Variants in PCDH7 observed in about 807,000 individuals in gnomAD.
The protein encoded by PCDH7 is protocadherin 7.
Under a neutral mutation model 58.9 loss-of-function variants are expected in PCDH7, and 17 were observed. The ratio of observed to expected loss-of-function variants is 0.29; its 90% CI spans 0.20 to 0.43. PCDH7 has a LOEUF of 0.43. PCDH7 is among the 20% of genes least tolerant of loss of function. PCDH7 has a pLI of 1.00. For synonymous variants in PCDH7, 664 were observed against 616.4 expected (o/e 1.08, Z -1.14); for missense variants, 1,274 against 1,441.0 (o/e 0.88, Z 1.88).
Position 30,828,669 on chromosome 4 carries a change from C to G in PCDH7, c.71-91484C>G, listed in dbSNP as rs367552789. On this transcript the variant is annotated intron_variant, in intron 1 of 3. Transcript: ENST00000509759. Reference sequence around the variant, plus strand: ...AGGCTGGTTACTATGGTTCCGAGAGCATGGTTCTCTGGTTACGTTGACTCT... The same window carrying G: ...AGGCTGGTTACTATGGTTCCGAGAGGATGGTTCTCTGGTTACGTTGACTCT... 4.9e-4 allele frequency among the ~76,000 whole-genome samples: 75 copies of G among 152,180 alleles called. 2 individuals are homozygous for G. The South Asian group carries it at 0.015, about 30-fold the overall frequency.
At chr4:30,814,828 G>C (rs866949722) in intron 1 of PCDH7, among the ~76,000 whole-genome samples, 1 of 152,094 alleles carries the variant, frequency 6.6e-6, no homozygotes, top group Non-Finnish European at 1.5e-5. Flanking sequence ...AAGAATGTAA[G>C]AGTGAATTAG....
chr4:31,124,648 C>A (rs758622615), intron 3 of PCDH7, among the ~76,000 whole-genome samples: 1 of 152,064 alleles, frequency 6.6e-6, no homozygotes, highest in African/African-American at 2.4e-5. Flanking sequence ...ACCGTACAAC[C>A]AAAATAAACT....
intron 1 of PCDH7, among the ~76,000 whole-genome samples, chr4:30,891,765 GTT>G (rs1228095740): frequency 3.9e-5 from 3 of 76,128 alleles, no homozygotes; most frequent in African/African-American, 3.2e-4. Context: ...TCTGAGGGTT[GTT>G]TTTTTGTTTT....
chr4:30,893,812 A>G (rs1278795524), intron 1 of PCDH7, among the ~76,000 whole-genome samples: 3 of 152,108 alleles, frequency 2.0e-5, no homozygotes, highest in Non-Finnish European at 4.4e-5. Flanking sequence ...CATGCCTTCC[A>G]TATGAAAAAT....
At position 31,038,494 on chromosome 4, in the gene PCDH7, T is replaced by TAAGAA. The variant is rs529520617; in HGVS notation, c.*7+88279_*7+88280insAAGAA. On this transcript the variant is annotated intron_variant, in intron 3 of 3. Coordinates refer to the PCDH7 transcript ENST00000509759. Reference sequence around the variant, plus strand: ...GGACTATTTGAGATGGAATAAGAAATTATAAAGCAGAAAATAAATAGAGTT... The same window carrying TAAGAA: ...GGACTATTTGAGATGGAATAAGAAATAAGAATATAAAGCAGAAAATAAATAGAGTT... Among the ~76,000 whole-genome samples, 179 of 152,250 alleles carry TAAGAA rather than the reference T, an allele frequency of 1.2e-3. 2 individuals are homozygous for TAAGAA. In the South Asian group the frequency reaches 0.018, roughly 16 times the overall value.
intron 1 of PCDH7, among the ~76,000 whole-genome samples, chr4:30,784,892 C>A (rs1723207964): frequency 6.6e-6 from 1 of 151,830 alleles, no homozygotes; most frequent in African/African-American, 2.4e-5. Context: ...AATAGAAAGT[C>A]AAAGATAACC....
chr4:31,085,616 T>C (rs1430193158), intron 3 of PCDH7, among the ~76,000 whole-genome samples: 3 of 152,148 alleles, frequency 2.0e-5, no homozygotes, highest in Admixed American at 2.0e-4. Context: ...CAGGCATAAT[T>C]TTCCAAAGGC....
At chr4:31,005,294 C>G (rs1387653324) in intron 3 of PCDH7, among the ~76,000 whole-genome samples, 1 of 152,066 alleles carries the variant, frequency 6.6e-6, no homozygotes, top group African/African-American at 2.4e-5. Context: ...TTGCTGTGAG[C>G]CTTTCCCCAG....
At chr4:31,134,718 G>A (rs993567678) in intron 3 of PCDH7, among the ~76,000 whole-genome samples, 4 of 152,060 alleles carry the variant, frequency 2.6e-5, no homozygotes, top group African/African-American at 9.7e-5. Flanking sequence ...GTTCTGCCTG[G>A]CTCACTCATA....
At chr4:31,052,292 C>G (rs535473699) in intron 3 of PCDH7, among the ~76,000 whole-genome samples, 2 of 152,180 alleles carry the variant, frequency 1.3e-5, no homozygotes, top group East Asian at 3.9e-4. Context: ...AGAATTCTGT[C>G]CAGTCTGAGT....
intron 3 of PCDH7, among the ~76,000 whole-genome samples, chr4:31,130,605 A>T (rs917704909): frequency 6.6e-6 from 1 of 152,216 alleles, no homozygotes; most frequent in Non-Finnish European, 1.5e-5. Context: ...TAAATCCTAT[A>T]GACCAGAAGT....
In PCDH7 at chr4:30,773,697, G is replaced by A. The variant is rs570936185; in HGVS notation, c.70+49101G>A. On this transcript the variant is annotated intron_variant, in intron 1 of 3. Coordinates refer to the PCDH7 transcript ENST00000509759. ...ATTTTCATTACCATATTCCCCAGAG[G>A]GTTGCTGTCTCTCCAGCCACTAAGT... 3.9e-5 allele frequency among the ~76,000 whole-genome samples: 6 copies of A among 152,164 alleles called. No individual in the cohort carries two copies. In the East Asian group the frequency reaches 1.2e-3, roughly 29 times the overall value.
At chr4:30,779,960 G>C (rs1297753415) in intron 1 of PCDH7, among the ~76,000 whole-genome samples, 1 of 152,074 alleles carries the variant, frequency 6.6e-6, no homozygotes, top group Non-Finnish European at 1.5e-5. Context: ...AGCCAATACT[G>C]CTTTTGTTTC....
chr4:31,116,928 T>C (rs1717066492), intron 3 of PCDH7, among the ~76,000 whole-genome samples: 1 of 152,150 alleles, frequency 6.6e-6, no homozygotes, highest in Non-Finnish European at 1.5e-5. Flanking sequence ...CTCTGCCTCC[T>C]GGGTTCAAGT....
intron 1 of PCDH7, among the ~76,000 whole-genome samples, chr4:30,809,925 C>T (rs960956344): frequency 2.6e-5 from 4 of 152,088 alleles, no homozygotes; most frequent in Non-Finnish European, 5.9e-5. Context: ...TTTGGACATG[C>T]CTGGAGTGCA....
intron 1 of PCDH7, among the ~76,000 whole-genome samples, chr4:30,788,496 A>G (rs1025479499): frequency 2.6e-5 from 4 of 152,156 alleles, no homozygotes; most frequent in African/African-American, 9.6e-5. Flanking sequence ...TTATAAGCCA[A>G]CAAACTGTAT....
chr4:30,758,909 G>C (rs1157546572), intron 1 of PCDH7, among the ~76,000 whole-genome samples: 1 of 130,808 alleles, frequency 7.6e-6, no homozygotes, highest in South Asian at 2.6e-4. Context: ...TGGCTTACCT[G>C]TTTTAATTTT....
chr4:30,984,693 GT>G (rs138217506), intron 3 of PCDH7, among the ~76,000 whole-genome samples: 23,875 of 152,118 alleles, frequency 0.16, 2,034 homozygotes, highest in Non-Finnish European at 0.19. Context: ...AAGGTGGCCA[GT>G]TTGCTGCTTC....
At chr4:30,937,984 G>T (rs1403236504) in intron 2 of PCDH7, among the ~76,000 whole-genome samples, 1 of 151,254 alleles carries the variant, frequency 6.6e-6, no homozygotes, top group Non-Finnish European at 1.5e-5. Context: ...CTGCTCCTTT[G>T]TAATTATCAT....
Sources: allele counts gnomAD v4.1 joint callset (sites outside exome capture counted in the v4.1 genomes callset), GRCh38; gene constraint gnomAD v4.1.1; transcripts MANE v1.5; gene names NCBI Gene and HGNC (gene_info 2026-07-23, HGNC 2026-07-21).